The following CFTR variants were observed in gnomAD, a reference collection of about 807,000 sequenced individuals.
CFTR encodes the protein cystic fibrosis transmembrane conductance regulator.
A neutral mutation model predicts 171.6 loss-of-function variants in CFTR; 181 were observed. The ratio of observed to expected loss-of-function variants is 1.05; its 90% confidence interval spans 0.93 to 1.19. The LOEUF is 1.19. Ranked by LOEUF, CFTR falls within the 50% of genes most tolerant of loss-of-function variation. The pLI is 0.00. For synonymous variants in CFTR, 583 were observed against 608.0 expected (o/e 0.96, Z 0.60); for missense variants, 1,968 against 1,734.7 (o/e 1.13, Z -2.39).
chr7:117,541,701 G>A (rs1007418376), intron 8 of CFTR, among the ~76,000 whole-genome samples: 1 of 152,110 alleles, frequency 6.6e-6, no homozygotes, highest in African/African-American at 2.4e-5. Context: ...GGGTAATTCA[G>A]GGTTGCTTTG....
At chr7:117,619,675 T>C (rs1316760619) in intron 21 of CFTR, among the ~76,000 whole-genome samples, 1 of 152,054 alleles carries the variant, frequency 6.6e-6, no homozygotes, top group Non-Finnish European at 1.5e-5. Flanking sequence ...AGATAAACCA[T>C]CCTTGTTTCC....
At chr7:117,566,475 T>C (rs1791603777) in intron 11 of CFTR, among the ~76,000 whole-genome samples, 3 of 152,060 alleles carry the variant, frequency 2.0e-5, no homozygotes, top group Admixed American at 2.0e-4. Context: ...CATTGAATTA[T>C]GTCCCTTAAA....
chr7:117,529,916 T>C (rs539320331), intron 3 of CFTR, among the ~76,000 whole-genome samples: 2 of 152,118 alleles, frequency 1.3e-5, no homozygotes, highest in Non-Finnish European at 2.9e-5. Context: ...TGATCCCTAT[T>C]TTACTAAATC....
At position 117,631,481 on chromosome 7, in the gene CFTR, C is replaced by T. The variant is rs1433656284; in HGVS notation, c.3717+3711C>T. On this transcript the variant is annotated intron_variant, in intron 22 of 26. Transcript: ENST00000003084. ...GATGGGTTGAAACTTTCATCTTCCCCCCTTGACCTCCAGGGAGGGATGAGT... is the reference window on the plus strand; with the variant it reads ...GATGGGTTGAAACTTTCATCTTCCCTCCTTGACCTCCAGGGAGGGATGAGT... 2.6e-5 allele frequency among the ~76,000 whole-genome samples: 4 copies of T among 152,100 alleles called. No individual in the cohort carries two copies. The South Asian group carries it at 6.2e-4, about 24-fold the overall frequency.
intron 3 of CFTR, 129 bp downstream of exon 3, chr7:117,509,271 G>C (rs1380778981): frequency 1.5e-6 from 1 of 688,306 alleles, no homozygotes; most frequent in Non-Finnish European, 2.6e-6. Flanking sequence ...CAAACACTAA[G>C]AAACCACCTA....
chr7:117,561,000 T>C (rs1240562138), intron 11 of CFTR, among the ~76,000 whole-genome samples: 1 of 152,086 alleles, frequency 6.6e-6, no homozygotes, highest in Non-Finnish European at 1.5e-5. Context: ...CCCATAGGAA[T>C]TAATTTATAA....
intron 23 of CFTR, among the ~76,000 whole-genome samples, chr7:117,648,244 T>A (rs1793028629): frequency 2.6e-5 from 4 of 151,856 alleles, no homozygotes; most frequent in Non-Finnish European, 1.5e-5. Flanking sequence ...CAGTCACACT[T>A]CCCACTTATG....
intron 10 of CFTR, among the ~76,000 whole-genome samples, chr7:117,551,600 C>T (rs142281023): frequency 6.6e-6 from 1 of 152,226 alleles, no homozygotes; most frequent in African/African-American, 2.4e-5. Flanking sequence ...GTGCCTAGCA[C>T]TTGACAGGTA....
At position 117,603,048 on chromosome 7, in the gene CFTR, T is replaced by C. The variant is rs1369006415; in HGVS notation, c.2657+185T>C. Among the ~76,000 whole-genome samples, 2 of 152,200 alleles carry C rather than the reference T, an allele frequency of 1.3e-5. No homozygotes were observed. The highest frequency in any genetic ancestry group is 2.9e-5 in the Non-Finnish European group (2 of 68,028). ...AGTTGGGTGAGGTGACACATTCCTG[T>C]AGTCCTAGCTCCTCCACAGGCTGAC... is the stretch of plus-strand genomic sequence containing the variant. On this transcript the variant is annotated intron_variant, in intron 16 of 26. Coordinates refer to ENST00000003084, the MANE Select transcript of CFTR (RefSeq NM_000492.4).
intron 3 of CFTR, among the ~76,000 whole-genome samples, chr7:117,523,071 A>G (rs928881066): frequency 6.6e-6 from 1 of 152,236 alleles, no homozygotes; most frequent in African/African-American, 2.4e-5. Context: ...GTTTGTAAAC[A>G]TGCCCTTCCA....
At position 117,540,136 on chromosome 7, in the gene CFTR, G is replaced by C. The variant is rs2116683646; in HGVS notation, c.906G>C (p.Val302=). 1 of 1,613,704 alleles carries C rather than the reference G, an allele frequency of 6.2e-7. No homozygotes were observed. Among genetic ancestry groups the C allele is most frequent in the Non-Finnish European group, 8.5e-7 (1 of 1,179,666 alleles). ...AACTGACTCGGAAGGCAGCCTATGT[G>C]AGATACTTCAATAGCTCAGCCTTCT... is the stretch of plus-strand genomic sequence containing the variant. ...ELKLTRKAAY[V]RYFNSSAFFF... Residue 302 remains valine, a synonymous_variant, in exon 8 of 27, where the codon GTG becomes GTC. Transcript: ENST00000003084.
chr7:117,532,090 C>A (rs1439305949), intron 4 of CFTR, among the ~76,000 whole-genome samples: 61 of 147,754 alleles, frequency 4.1e-4, no homozygotes, highest in Admixed American at 3.0e-3. Context: ...AAAAAAAAAA[C>A]AAAAAAAACA....
intron 23 of CFTR, among the ~76,000 whole-genome samples, chr7:117,650,693 T>C (rs1793075781): frequency 6.6e-6 from 1 of 152,128 alleles, no homozygotes; most frequent in Non-Finnish European, 1.5e-5. Flanking sequence ...GTAGCCCATA[T>C]GAAATGCTTC....
At chr7:117,596,654 C>A (rs1584814698) in intron 15 of CFTR, among the ~76,000 whole-genome samples, 2 of 152,298 alleles carry the variant, frequency 1.3e-5, no homozygotes, top group East Asian at 3.9e-4. Context: ...GTATCTAGCT[C>A]AAGGTTTGTA....
chr7:117,613,359 T>G (rs1285864940), intron 20 of CFTR, among the ~76,000 whole-genome samples: 1 of 152,016 alleles, frequency 6.6e-6, no homozygotes, highest in African/African-American at 2.4e-5. Context: ...TCAGCCGGAG[T>G]GGATGTTGGC....
chr7:117,636,750 A>G (rs192296501), intron 22 of CFTR, among the ~76,000 whole-genome samples: 105 of 150,460 alleles, frequency 7.0e-4, no homozygotes, highest in African/African-American at 2.5e-3. Context: ...CCATCTTTGA[A>G]TCTCCATTTC....
chr7:117,504,336 C>T lies in CFTR; in HGVS notation c.137C>T (p.Ala46Val), dbSNP rs151020603. Residue 46 changes from alanine to valine, a missense_variant, in exon 2 of 27, where the codon GCT becomes GTT. Physicochemically the swap from Ala to Val is moderately conservative, Grantham distance 64. Transcript: ENST00000003084. ...DIYQIPSVDS[A>V]DNLSEKLERE... ...TACCAAATCCCTTCTGTTGATTCTG[C>T]TGACAATCTATCTGAAAAATTGGAA... The T allele has an allele frequency of 1.6e-5, 26 of 1,600,604 alleles. No homozygotes were observed. In the African/African-American group the frequency reaches 3.2e-4, roughly 20 times the overall value.
At chr7:117,641,578 CA>C (rs1792913225) in intron 22 of CFTR, among the ~76,000 whole-genome samples, 1 of 152,078 alleles carries the variant, frequency 6.6e-6, no homozygotes, top group Admixed American at 6.6e-5. Context: ...CCAGTTTTTT[CA>C]GTGGTCAGTT....
chr7:117,599,868 A>C (rs999399120), intron 15 of CFTR, among the ~76,000 whole-genome samples: 3 of 152,062 alleles, frequency 2.0e-5, no homozygotes, highest in African/African-American at 7.2e-5. Context: ...TCTCATGAGC[A>C]TGTCACATTC....
Sources: gnomAD v4.1 joint callset for allele counts (sites outside exome capture counted in the v4.1 genomes callset) on GRCh38, gnomAD v4.1.1 for gene constraint, MANE v1.5 for transcripts, NCBI Gene and HGNC (gene_info 2026-07-23, HGNC 2026-07-21) for gene names.